RAB3GAP2: variants seen among roughly 807,000 people sequenced by gnomAD.
RAB3GAP2 encodes the protein rab3 GTPase-activating protein non-catalytic subunit.
Under a neutral mutation model 185.3 loss-of-function variants are expected in RAB3GAP2, and 87 were observed. The observed-to-expected ratio is 0.47, with a 90% CI of 0.39 to 0.56. RAB3GAP2 has a LOEUF of 0.56. Among genes scored for constraint, RAB3GAP2 ranks in the 20% least tolerant of loss-of-function variants. RAB3GAP2 has a pLI of 0.00. For synonymous variants in RAB3GAP2, 554 were observed against 576.1 expected (o/e 0.96, Z 0.55); for missense variants, 1,492 against 1,638.2 (o/e 0.91, Z 1.54).
At chr1:220,196,061 T>C (rs1658716944) in intron 10 of RAB3GAP2, 189 bp downstream of exon 10, 1 of 649,496 alleles carries the variant, frequency 1.5e-6, no homozygotes, top group Admixed American at 2.9e-5. Context: ...TTTATACTGA[T>C]GGTAGTACCT....
intron 9 of RAB3GAP2, among the ~76,000 whole-genome samples, chr1:220,198,202 T>C (rs1297601710): frequency 6.6e-6 from 1 of 152,166 alleles, no homozygotes; most frequent in Admixed American, 6.5e-5. Flanking sequence ...ATCTTAATCT[T>C]GGTTGACCTA....
At chr1:220,254,270 TCTATAA>T (rs1404552183) in intron 1 of RAB3GAP2, 2 of 1,613,424 alleles carry the variant, frequency 1.2e-6, no homozygotes, top group Non-Finnish European at 1.7e-6. Flanking sequence ...ACCCAGCTAC[TCTATAA>T]ATTTGAGAGA....
intron 1 of RAB3GAP2, among the ~76,000 whole-genome samples, chr1:220,269,044 G>A (rs1019892867): frequency 6.6e-6 from 1 of 152,188 alleles, no homozygotes; most frequent in Non-Finnish European, 1.5e-5. Context: ...GAAATATAAT[G>A]ATGAAAATAA....
In RAB3GAP2 at chr1:220,159,299, G is replaced by A; in HGVS notation, c.3261+87C>T. The A allele has an allele frequency of 2.7e-6, 3 of 1,120,036 alleles. 1 individual carries two copies. 69.4% of individuals were successfully genotyped at this position (1,120,036 alleles called of 1,614,324 possible). A position where few individuals can be genotyped will look rare whatever the true frequency, so the allele number is the denominator to read the frequency against. On this transcript the variant is annotated intron_variant, in intron 29 of 34. Transcript: ENST00000358951. Reference sequence around the variant, plus strand: ...CTGATACGTCATCACAATGATAAAAGGCAAAGTTCACCTATACAGTTAATA... The same window carrying A: ...CTGATACGTCATCACAATGATAAAAAGCAAAGTTCACCTATACAGTTAATA...
chr1:220,163,183 C>T (rs1482822186), intron 27 of RAB3GAP2, among the ~76,000 whole-genome samples: 9 of 151,994 alleles, frequency 5.9e-5, no homozygotes. Flanking sequence ...AAACAGTTGT[C>T]AATTAGGCAA....
At chr1:220,229,225 T>G (rs1259830336) in intron 2 of RAB3GAP2, among the ~76,000 whole-genome samples, 1 of 152,138 alleles carries the variant, frequency 6.6e-6, no homozygotes, top group African/African-American at 2.4e-5. Flanking sequence ...CTCATGAGTA[T>G]GAGAAATACA....
At chr1:220,213,193 C>T (rs1659115134) in intron 3 of RAB3GAP2, among the ~76,000 whole-genome samples, 1 of 152,142 alleles carries the variant, frequency 6.6e-6, no homozygotes, top group Non-Finnish European at 1.5e-5. Flanking sequence ...CCCAATTCAA[C>T]CTGTATAATG....
chr1:220,205,623 G>C (rs1357447543), intron 8 of RAB3GAP2, among the ~76,000 whole-genome samples: 1 of 152,174 alleles, frequency 6.6e-6, no homozygotes, highest in African/African-American at 2.4e-5. Flanking sequence ...TGCAAATCTA[G>C]CTAGCCAAGA....
chr1:220,149,345 G>GAT lies in RAB3GAP2; in HGVS notation c.*1904_*1905dup, dbSNP rs1414734503. The GAT allele has an allele frequency of 2.6e-5, 4 of 152,140 alleles. No homozygotes were observed. Among genetic ancestry groups the GAT allele is most frequent in the Admixed American group, 6.5e-5 (1 of 15,268 alleles). The allele number at this position is 152,140 out of a possible 1,614,324, so 9.4% of individuals were successfully genotyped here. ...ATTGTTCTCAGCAATCCCCAGATTT[G>GAT]ATTGTCTGTTCTACCAGAGTAAGCT... is the stretch of plus-strand genomic sequence containing the variant. On this transcript the variant is annotated 3_prime_UTR_variant, in exon 35 of 35. Coordinates refer to ENST00000358951, the MANE Select transcript of RAB3GAP2 (RefSeq NM_012414.4).
At chr1:220,190,847 G>A (rs182424988) in intron 14 of RAB3GAP2, among the ~76,000 whole-genome samples, 1 of 151,590 alleles carries the variant, frequency 6.6e-6, no homozygotes, top group Non-Finnish European at 1.5e-5. Flanking sequence ...TTAGCAACAA[G>A]CTAACTTTAA....
chr1:220,238,656 T>C (rs1659638092), intron 1 of RAB3GAP2, among the ~76,000 whole-genome samples: 1 of 152,168 alleles, frequency 6.6e-6, no homozygotes, highest in African/African-American at 2.4e-5. Flanking sequence ...TGCCTTTGCC[T>C]ATCCTACACC....
At chr1:220,179,949 G>A (rs924073962) in intron 21 of RAB3GAP2, among the ~76,000 whole-genome samples, 1 of 152,096 alleles carries the variant, frequency 6.6e-6, no homozygotes, top group African/African-American at 2.4e-5. Flanking sequence ...AGATCACGAG[G>A]TCAAGAGATC....
In RAB3GAP2 at chr1:220,254,034, A is replaced by T. The variant is rs1659988255; in HGVS notation, c.115+18189T>A. On this transcript the variant is annotated intron_variant, in intron 1 of 34. Transcript: ENST00000358951. ...AGGAAACATTCATGAACAGAGTTGA[A>T]GTTAAAGTAAAGATTCCTGAATAGC... The T allele has an allele frequency of 6.2e-6, 10 of 1,613,956 alleles. No homozygotes were observed. The Admixed American group carries it at 1.7e-4, about 27-fold the overall frequency.
Position 220,151,410 on chromosome 1 carries a change from C to T in RAB3GAP2, c.4027-4G>A. 6.2e-7 allele frequency: 1 copy of T among 1,614,070 alleles called. No individual in the cohort carries two copies. Among genetic ancestry groups the T allele is most frequent in the Non-Finnish European group, 8.5e-7 (1 of 1,180,000 alleles). On this transcript the variant is annotated splice_region_variant and splice_polypyrimidine_tract_variant and intron_variant, in intron 34 of 34. Coordinates refer to ENST00000358951, the MANE Select transcript of RAB3GAP2 (RefSeq NM_012414.4). ...TGTTTTGAAGGTCCTGGGGGTCCTGCAAATGGGACACAAAAATAACCTATT... is the reference window on the plus strand; with the variant it reads ...TGTTTTGAAGGTCCTGGGGGTCCTGTAAATGGGACACAAAAATAACCTATT...
At chr1:220,253,757 T>A (rs369308988) in intron 1 of RAB3GAP2, 51 of 1,611,702 alleles carry the variant, frequency 3.2e-5, no homozygotes, top group Middle Eastern at 2.2e-4. Context: ...AGCAGAGTAC[T>A]CAAATACGTG....
At chr1:220,164,620 C>T in intron 27 of RAB3GAP2, 113 bp downstream of exon 27, 2 of 1,442,322 alleles carry the variant, frequency 1.4e-6, no homozygotes, top group South Asian at 1.3e-5. Context: ...TGTTAGGCTG[C>T]AGGATAATCA....
At chr1:220,231,540 C>G (rs1659500580) in intron 2 of RAB3GAP2, among the ~76,000 whole-genome samples, 1 of 151,958 alleles carries the variant, frequency 6.6e-6, no homozygotes, top group Admixed American at 6.6e-5. Context: ...AAAAAAAAAT[C>G]CTGATTTTGT....
chr1:220,242,693 C>A (rs1659718799), intron 1 of RAB3GAP2, among the ~76,000 whole-genome samples: 1 of 152,146 alleles, frequency 6.6e-6, no homozygotes, highest in Admixed American at 6.5e-5. Flanking sequence ...TTTGACTTTA[C>A]AAACTGTTTC....
rs750540547 is a variant in RAB3GAP2 at position 220,232,863 on chromosome 1, C to G, written c.116G>C (p.Ser39Thr). 4 of 1,613,436 alleles carry G rather than the reference C, an allele frequency of 2.5e-6. No individual in the cohort carries two copies. The South Asian group carries it at 4.4e-5, about 18-fold the overall frequency. ...ILSGALRRDP[S>T]KSTDWEDDGW... ...ATCATCTTCCCAGTCTGTTGATTTA[C>G]CTGTTTTTAAAAAGATGAACAATGC... is the stretch of plus-strand genomic sequence containing the variant. The change falls in exon 2 of 35, where the codon AGT becomes ACT. Residue 39 changes from serine to threonine, a missense_variant and splice_region_variant. Ser to Thr is a moderately conservative substitution (Grantham distance 58). Around this residue, in one of 5 missense-constraint regions of RAB3GAP2, gnomAD observed 177 missense variants for 160.6 expected, o/e 1.10. Transcript: ENST00000358951.
Sources: allele counts gnomAD v4.1 joint callset (sites outside exome capture counted in the v4.1 genomes callset), GRCh38; gene constraint gnomAD v4.1.1; regional missense constraint gnomAD v4.1.1; transcripts MANE v1.5; gene names NCBI Gene and HGNC (gene_info 2026-07-23, HGNC 2026-07-21).